The following KIDINS220 variants were observed in gnomAD, a reference collection of about 807,000 sequenced individuals.
KIDINS220 encodes kinase D interacting substrate 220.
A neutral mutation model predicts 157.6 loss-of-function variants in KIDINS220; 63 were observed. The ratio of observed to expected loss-of-function variants is 0.40; its 90% CI spans 0.33 to 0.49. The LOEUF (loss-of-function observed/expected upper bound fraction) is 0.49, where lower values mean the gene tolerates loss of function less well. Ranked by LOEUF, KIDINS220 falls within the 20% of genes least tolerant of loss-of-function variation. The pLI, the probability that KIDINS220 is intolerant of heterozygous loss-of-function variation, is 0.66. For missense variants in KIDINS220, 1,772 were observed against 2,171.2 expected, an observed-to-expected ratio of 0.82 and a Z score of 3.65; for synonymous variants, 732 against 783.6, an observed-to-expected ratio of 0.93 and a Z score of 1.10.
In KIDINS220 at chr2:8,730,681, TA is replaced by T. The variant is rs1663919001; in HGVS notation, c.*38del. The T allele has an allele frequency of 6.3e-7, 1 of 1,579,660 alleles. No individual in the cohort carries two copies. Among genetic ancestry groups the T allele is most frequent in the Non-Finnish European group, 8.6e-7 (1 of 1,166,542 alleles). On this transcript the variant is annotated 3_prime_UTR_variant, in exon 30 of 30. Coordinates refer to ENST00000256707, the MANE Select transcript of KIDINS220 (RefSeq NM_020738.4). ...GTCAAAATCCAGGACAATTCTGTCATAAAGGTACAGTAACACTCTTCTCCTT... is the reference window on the plus strand; with the variant it reads ...GTCAAAATCCAGGACAATTCTGTCATAAGGTACAGTAACACTCTTCTCCTT...
intron 6 of KIDINS220, among the ~76,000 whole-genome samples, chr2:8,807,060 T>C (rs1675547193): frequency 6.6e-6 from 1 of 152,184 alleles, no homozygotes; most frequent in Non-Finnish European, 1.5e-5. Flanking sequence ...GCCTAACCAC[T>C]TTACATGGGT....
intron 22 of KIDINS220, among the ~76,000 whole-genome samples, chr2:8,762,766 A>T (rs954957082): frequency 2.6e-5 from 4 of 152,082 alleles, no homozygotes; most frequent in African/African-American, 9.7e-5. Flanking sequence ...AAGAAAAGAA[A>T]AGAAAACCTA....
In KIDINS220 at chr2:8,736,878, G is replaced by C; in HGVS notation, c.3707C>G (p.Thr1236Arg). The C allele has an allele frequency of 6.2e-7, 1 of 1,613,910 alleles. No individual in the cohort carries two copies. ...DQSMLPQYCTTIKKANINGRV... is the reference protein window; with the variant it reads ...DQSMLPQYCTRIKKANINGRV... ...AAGTGGCTGCCTCACCTTTTTGATC[G>C]TGGTACAATACTGAGGCAGCATACT... Residue 1236 changes from threonine to arginine, a missense_variant, in exon 27 of 30, where the codon ACG (threonine) becomes AGG (arginine). Physicochemically the swap from Thr to Arg is moderately conservative, Grantham distance 71. Transcript: ENST00000256707.
chr2:8,800,614 G>C (rs1038881863), intron 8 of KIDINS220, 116 bp from the exon 9 acceptor site: 1 of 711,634 alleles, frequency 1.4e-6, no homozygotes, highest in Non-Finnish European at 2.3e-6. Flanking sequence ...CTTGGAAAAA[G>C]TCTACCTCTA....
rs991042002 is a variant in KIDINS220, at chr2:8,789,881, A to G, written c.1620T>C (p.Phe540=). The G allele has an allele frequency of 1.3e-6, 2 of 1,583,322 alleles. No homozygotes were observed. The highest frequency in any genetic ancestry group is 2.0e-5 in the Admixed American group (1 of 50,842). Residue 540 remains phenylalanine (F), a splice_region_variant and synonymous_variant, in exon 14 of 30, where the codon TTT becomes TTC. Transcript: ENST00000256707. ...AAAAGATAAAAAGCAAAGACTTACT[A>G]AAGAATATATATAAGAGAGCCAAGA... The part of the protein sequence containing the change: ...LSFLALLYIF[F]IVIYFGGRRE...
intron 22 of KIDINS220, among the ~76,000 whole-genome samples, chr2:8,760,860 T>C (rs976337584): frequency 1.3e-5 from 2 of 152,122 alleles, no homozygotes; most frequent in African/African-American, 4.8e-5. Flanking sequence ...TAAAAAATAG[T>C]GTATTACTGC....
intron 15 of KIDINS220, 53 bp downstream of exon 15, chr2:8,788,594 T>C (rs1033694791): frequency 7.1e-6 from 11 of 1,559,224 alleles, no homozygotes; most frequent in Non-Finnish European, 9.6e-6. Context: ...AAGTGAAAAA[T>C]ATTTTTTTCT....
chr2:8,737,608 T>G (rs189134588), intron 26 of KIDINS220, among the ~76,000 whole-genome samples: 2 of 152,322 alleles, frequency 1.3e-5, no homozygotes, highest in African/African-American at 4.8e-5. Context: ...CATGTGAAAG[T>G]AAATACCATC....
At chr2:8,725,911 A>G (rs373040827), downstream of KIDINS220, among the ~76,000 whole-genome samples, 268 of 152,342 alleles carry the variant, frequency 1.8e-3, 3 homozygotes, top group African/African-American at 6.3e-3. Flanking sequence ...CCACTAGTGT[A>G]AATAACACTA....
intron 22 of KIDINS220, among the ~76,000 whole-genome samples, chr2:8,768,669 C>G (rs1404905120): frequency 6.6e-6 from 1 of 152,124 alleles, no homozygotes; most frequent in Non-Finnish European, 1.5e-5. Context: ...AAATGAATAT[C>G]AATTACATAC....
rs1672962285 is a variant in KIDINS220, at chr2:8,789,913, G to A, written c.1588C>T (p.Leu530=). Residue 530 remains leucine, a synonymous_variant, in exon 14 of 30, where the codon CTG becomes TTG. Transcript: ENST00000256707. ...ATATATAAGAGAGCCAAGAAGCTCA[G>A]TGACACTGCTATTCCAAGATTTGGG... ...VHPNLGIAVS[L]SFLALLYIFF... is the part of the protein sequence containing the mutation. The A allele has an allele frequency of 6.2e-7, 1 of 1,612,618 alleles. No individual in the cohort carries two copies. The highest frequency in any genetic ancestry group is 8.5e-7 in the Non-Finnish European group (1 of 1,179,658).
intron 22 of KIDINS220, among the ~76,000 whole-genome samples, chr2:8,765,512 C>T (rs975225559): frequency 4.6e-5 from 7 of 151,968 alleles, no homozygotes; most frequent in African/African-American, 1.5e-4. Context: ...AAGAATAAAA[C>T]GATCCTAAGA....
At chr2:8,735,330 G>C (rs927221517) in intron 27 of KIDINS220, among the ~76,000 whole-genome samples, 1 of 152,128 alleles carries the variant, frequency 6.6e-6, no homozygotes, top group Admixed American at 6.5e-5. Flanking sequence ...TCAGGAGTTC[G>C]AGACCAGCCT....
At chr2:8,767,578 G>A (rs1427129013) in intron 22 of KIDINS220, among the ~76,000 whole-genome samples, 2 of 152,114 alleles carry the variant, frequency 1.3e-5, no homozygotes, top group Non-Finnish European at 2.9e-5. Context: ...ACAAGCTTGT[G>A]CAATAATCCA....
downstream of KIDINS220, among the ~76,000 whole-genome samples, chr2:8,726,383 T>TTA (rs1359881549): frequency 2.0e-5 from 3 of 152,242 alleles, no homozygotes; most frequent in Non-Finnish European, 2.9e-5. Flanking sequence ...GCTAATCATT[T>TTA]TACTTAAAAG....
chr2:8,752,107 GCCTCCCAACTCAAGCTTT>G (rs1232460654), intron 22 of KIDINS220, among the ~76,000 whole-genome samples: 1 of 152,010 alleles, frequency 6.6e-6, no homozygotes, highest in Non-Finnish European at 1.5e-5. Context: ...TGCAACCTCT[GCCTCCCAACTCAAGCTTT>G]CCTCCCACCT....
At chr2:8,784,238 A>T (rs1431977462) in intron 17 of KIDINS220, among the ~76,000 whole-genome samples, 3 of 152,164 alleles carry the variant, frequency 2.0e-5, no homozygotes, top group Non-Finnish European at 4.4e-5. Flanking sequence ...CAAGCAAGAA[A>T]AGAATCTAGA....
intron 22 of KIDINS220, chr2:8,757,725 GCAACTA>G: frequency 6.2e-7 from 1 of 1,612,348 alleles, no homozygotes; most frequent in Non-Finnish European, 8.5e-7. Context: ...CATCAACATG[GCAACTA>G]ACACTGACTT....
At chr2:8,804,734 T>C (rs1675202653) in intron 7 of KIDINS220, among the ~76,000 whole-genome samples, 1 of 152,224 alleles carries the variant, frequency 6.6e-6, no homozygotes, top group African/African-American at 2.4e-5. Flanking sequence ...GTACTACGTA[T>C]AGGAAAAAAC....
Sources: gnomAD v4.1 joint callset for allele counts (sites outside exome capture counted in the v4.1 genomes callset) on GRCh38, gnomAD v4.1.1 for gene constraint, MANE v1.5 for transcripts, NCBI Gene and HGNC (gene_info 2026-07-23, HGNC 2026-07-21) for gene names.